The following ENOX1 variants were observed in gnomAD, a reference collection of about 807,000 sequenced individuals.
ENOX1 encodes ecto-NOX disulfide-thiol exchanger 1.
In ENOX1, 42 loss-of-function variants were observed where a neutral mutation model predicts 82.5. That is an observed-to-expected ratio of 0.51 (90% CI 0.40 to 0.66). The LOEUF is 0.66. Among genes scored for constraint, ENOX1 ranks in the 30% least tolerant of loss-of-function variants. The probability of loss-of-function intolerance (pLI) is 0.00; values close to 1 mark genes in which losing one functional copy is unlikely to be tolerated. For missense variants in ENOX1, 608 were observed against 811.6 expected, an observed-to-expected ratio of 0.75 and a Z score of 3.05; for synonymous variants, 271 against 282.2, an observed-to-expected ratio of 0.96 and a Z score of 0.40.
At chr13:43,683,915 T>C (rs1469968174) in intron 1 of ENOX1, among the ~76,000 whole-genome samples, 1 of 151,976 alleles carries the variant, frequency 6.6e-6, no homozygotes, top group Non-Finnish European at 1.5e-5. Flanking sequence ...AGAGAACTCA[T>C]ATTCTGCCTC....
rs181471549 is a variant in ENOX1 at position 43,624,964 on chromosome 13, A to G, written c.-219+42515T>C. Reference sequence around the variant, plus strand: ...GATAGGAATTGCTACCAATATCTACATATCAGCTTGGGGAGAAGTGACATC... The same window carrying G: ...GATAGGAATTGCTACCAATATCTACGTATCAGCTTGGGGAGAAGTGACATC... On this transcript the variant is annotated intron_variant, in intron 2 of 16. Transcript: ENST00000690772. Among the ~76,000 whole-genome samples the G allele has an allele frequency of 1.6e-3, 236 of 152,194 alleles. 1 individual carries two copies. The highest frequency in any genetic ancestry group is 2.2e-3 in the Non-Finnish European group (147 of 67,934).
intron 1 of ENOX1, among the ~76,000 whole-genome samples, chr13:43,716,476 C>T (rs1489443537): frequency 6.6e-6 from 1 of 152,096 alleles, no homozygotes; most frequent in East Asian, 1.9e-4. Flanking sequence ...CTCCGCCAAG[C>T]AGAAATATCT....
At chr13:43,385,667 A>G (rs1245195711) in intron 5 of ENOX1, among the ~76,000 whole-genome samples, 9 of 152,196 alleles carry the variant, frequency 5.9e-5, no homozygotes, top group Admixed American at 5.9e-4. Context: ...CTTCACTGGT[A>G]AGAAAAAATG....
chr13:43,357,297 C>T (rs1407245574), intron 7 of ENOX1, among the ~76,000 whole-genome samples: 2 of 152,130 alleles, frequency 1.3e-5, no homozygotes, highest in African/African-American at 2.4e-5. Context: ...ATTATTTTAG[C>T]ACTTGGGGAT....
Position 43,678,353 on chromosome 13 carries a change from TATG to T in ENOX1, c.-284-10812_-284-10810del, listed in dbSNP as rs532061638. Among the ~76,000 whole-genome samples the T allele has an allele frequency of 8.5e-5, 13 of 152,338 alleles. No homozygotes were observed. The East Asian group carries it at 2.3e-3, about 27-fold the overall frequency. On this transcript the variant is annotated intron_variant, in intron 1 of 16. Transcript: ENST00000690772. ...TAATTTTTAAAAACTATCACATCCTTATGATTTTTGTCACGTCTTTATTATGTA... is the reference window on the plus strand; with the variant it reads ...TAATTTTTAAAAACTATCACATCCTTATTTTTGTCACGTCTTTATTATGTA...
rs2089192915 is a variant in ENOX1, at chr13:43,729,414, T to C, written c.-285+57238A>G. Reference sequence around the variant, plus strand: ...GGAATATGTCTAATATAAACACAAGTAGCACAGGAAACACTTAATTCATAT... The same window carrying C: ...GGAATATGTCTAATATAAACACAAGCAGCACAGGAAACACTTAATTCATAT... On this transcript the variant is annotated intron_variant, in intron 1 of 16. Transcript: ENST00000690772. 5.3e-5 allele frequency among the ~76,000 whole-genome samples: 8 copies of C among 152,124 alleles called. No individual in the cohort carries two copies. In the South Asian group the frequency reaches 1.7e-3, roughly 32 times the overall value.
chr13:43,753,824 C>T (rs1053259745), intron 1 of ENOX1, among the ~76,000 whole-genome samples: 2 of 152,100 alleles, frequency 1.3e-5, no homozygotes, highest in Non-Finnish European at 1.5e-5. Context: ...ATAAGAGAAA[C>T]TCAGGGGCCT....
chr13:43,320,803 G>A (rs188278059), intron 11 of ENOX1, among the ~76,000 whole-genome samples: 254 of 152,238 alleles, frequency 1.7e-3, no homozygotes, highest in African/African-American at 5.9e-3. Context: ...AAGGATGAAA[G>A]CGCTTTTGAC....
intron 2 of ENOX1, among the ~76,000 whole-genome samples, chr13:43,529,248 GTA>G (rs2078111150): frequency 6.6e-6 from 1 of 151,930 alleles, no homozygotes; most frequent in African/African-American, 2.4e-5. Flanking sequence ...GATCCTTGCT[GTA>G]GGCACTCATT....
intron 2 of ENOX1, among the ~76,000 whole-genome samples, chr13:43,574,021 C>T (rs932127535): frequency 2.0e-5 from 3 of 152,104 alleles, no homozygotes; most frequent in Non-Finnish European, 1.5e-5. Context: ...TAATTCTGTA[C>T]AAAATGCCTT....
chr13:43,375,681 T>C (rs779338915), intron 5 of ENOX1, among the ~76,000 whole-genome samples: 77 of 152,162 alleles, frequency 5.1e-4, no homozygotes, highest in Admixed American at 9.2e-4. Flanking sequence ...AAAGTATCTA[T>C]CTAGCTAAGC....
intron 3 of ENOX1, among the ~76,000 whole-genome samples, chr13:43,456,440 G>A (rs1222118458): frequency 6.6e-6 from 1 of 151,856 alleles, no homozygotes; most frequent in African/African-American, 2.4e-5. Flanking sequence ...TAGACAGGGT[G>A]TGCTTTTTCC....
intron 1 of ENOX1, among the ~76,000 whole-genome samples, chr13:43,770,101 A>C (rs1253599492): frequency 6.6e-6 from 1 of 152,270 alleles, no homozygotes; most frequent in Non-Finnish European, 1.5e-5. Context: ...ACAAATGTCT[A>C]TCAGTAAATC....
chr13:43,570,084 C>T (rs899155613), intron 2 of ENOX1, among the ~76,000 whole-genome samples: 1 of 152,116 alleles, frequency 6.6e-6, no homozygotes, highest in Admixed American at 6.6e-5. Context: ...CTGAGGATAC[C>T]TTTAAGATTT....
chr13:43,403,760 A>G (rs2053628048), intron 5 of ENOX1, among the ~76,000 whole-genome samples: 1 of 152,094 alleles, frequency 6.6e-6, no homozygotes, highest in Non-Finnish European at 1.5e-5. Flanking sequence ...GAATCACCTG[A>G]GCCCGGGAAG....
At chr13:43,319,883 T>C (rs1369824754) in intron 11 of ENOX1, among the ~76,000 whole-genome samples, 1 of 152,220 alleles carries the variant, frequency 6.6e-6, no homozygotes, top group African/African-American at 2.4e-5. Context: ...ATTAGAGTGC[T>C]ACATTTTGAG....
intron 8 of ENOX1, 88 bp downstream of exon 8, chr13:43,355,831 G>A (rs1255914960): frequency 7.8e-7 from 1 of 1,275,912 alleles, no homozygotes; most frequent in Non-Finnish European, 1.1e-6. Context: ...TGTGCTGAAG[G>A]GACAATGGTG....
At chr13:43,725,247 C>T (rs2088860334) in intron 1 of ENOX1, among the ~76,000 whole-genome samples, 1 of 152,100 alleles carries the variant, frequency 6.6e-6, no homozygotes, top group African/African-American at 2.4e-5. Context: ...TAGGGTCTCC[C>T]TTCCCACTGG....
At chr13:43,266,450 C>T (rs1486138404) in intron 13 of ENOX1, among the ~76,000 whole-genome samples, 3 of 152,166 alleles carry the variant, frequency 2.0e-5, no homozygotes, top group African/African-American at 7.2e-5. Flanking sequence ...AAAAGCCCTA[C>T]CCGCTCCATG....
Sources: gnomAD v4.1 joint callset for allele counts (sites outside exome capture counted in the v4.1 genomes callset) on GRCh38, gnomAD v4.1.1 for gene constraint, MANE v1.5 for transcripts, NCBI Gene and HGNC (gene_info 2026-07-23, HGNC 2026-07-21) for gene names.